The following KIF13A variants were observed in gnomAD, a reference collection of about 807,000 sequenced individuals.
KIF13A encodes kinesin-like protein KIF13A.
Under a neutral mutation model 212.2 loss-of-function variants are expected in KIF13A, and 79 were observed. That is an observed-to-expected ratio of 0.37 (90% CI 0.31 to 0.45). The LOEUF is 0.45. Ranked by LOEUF, KIF13A falls within the 20% of genes least tolerant of loss-of-function variation. The pLI, the probability that KIF13A is intolerant of heterozygous loss-of-function variation, is 1.00. For missense variants in KIF13A, 1,901 were observed against 2,209.0 expected (o/e 0.86, Z 2.79); for synonymous variants, 789 against 808.6 (o/e 0.98, Z 0.41).
Position 17,831,118 on chromosome 6 carries a change from G to C in KIF13A, c.1384C>G (p.Leu462Val). The C allele has an allele frequency of 1.2e-6, 2 of 1,612,992 alleles. No individual in the cohort carries two copies. The highest frequency in any genetic ancestry group is 1.7e-6 in the Non-Finnish European group (2 of 1,179,522). Residue 462 changes from leucine (L) to valine (V), a missense_variant, in exon 13 of 39, where the codon CTG becomes GTG. Leu to Val is a conservative substitution (Grantham distance 32). Around this residue, in one of 5 missense-constraint regions of KIF13A, gnomAD observed 506 missense variants for 637.4 expected, o/e 0.79. Transcript: ENST00000259711. ...LNADPALNEL[L>V]VYYLKDHTRV... ...TCTCCTACCTTTAAATAATAAACCA[G>C]AAGTTCGTTAAGAGCAGGGTCTGCA...
intron 17 of KIF13A, among the ~76,000 whole-genome samples, chr6:17,814,421 G>C (rs902922234): frequency 4.0e-5 from 6 of 151,438 alleles, no homozygotes; most frequent in African/African-American, 1.2e-4. Context: ...ACTTATTTTT[G>C]TATTTTTAGT....
Position 17,771,525 on chromosome 6 carries a change from C to G in KIF13A, c.4477-307G>C. On this transcript the variant is annotated intron_variant, in intron 37 of 38. Transcript: ENST00000259711. This position sits in a 1 kb window ranked among gnomAD's most constrained non-coding sequence, Gnocchi z 5.4. Reference sequence around the variant, plus strand: ...AAGAATCACTTGAGGCCAGGAGTTTCAGACCAGCCTGGGCAACACAGCAAG... The same window carrying G: ...AAGAATCACTTGAGGCCAGGAGTTTGAGACCAGCCTGGGCAACACAGCAAG... 1 of 396,570 alleles carries G rather than the reference C, an allele frequency of 2.5e-6. No homozygotes were observed. Among genetic ancestry groups the G allele is most frequent in the Non-Finnish European group, 4.5e-6 (1 of 221,876 alleles). The allele number at this position is 396,570 out of a possible 1,614,324, so 24.6% of individuals were successfully genotyped here.
intron 2 of KIF13A, among the ~76,000 whole-genome samples, chr6:17,909,387 T>G (rs1227652743): frequency 1.3e-5 from 2 of 151,616 alleles, no homozygotes; most frequent in South Asian, 2.1e-4. Context: ...AATACAAAAA[T>G]TAGCCGGGTG....
intron 16 of KIF13A, among the ~76,000 whole-genome samples, chr6:17,817,459 C>T (rs913652759): frequency 1.4e-4 from 21 of 152,166 alleles, no homozygotes; most frequent in Admixed American, 3.3e-4. Context: ...ACATCCTCTA[C>T]GTTACTTTCT....
Position 17,786,532 on chromosome 6 carries a change from G to A in KIF13A, c.3362-891C>T, listed in dbSNP as rs573573075. Among the ~76,000 whole-genome samples, 23 of 152,182 alleles carry A rather than the reference G, an allele frequency of 1.5e-4. No homozygotes were observed. In the South Asian group the frequency reaches 4.6e-3, roughly 30 times the overall value. On this transcript the variant is annotated intron_variant, in intron 27 of 38. Transcript: ENST00000259711. This position sits in a 1 kb window ranked among gnomAD's most constrained non-coding sequence, Gnocchi z 5.4. ...GGAGAATTGCTTGAACCTGGGAGGA[G>A]GAGGTTGCAGTGGGCCAAGATCATG...
At chr6:17,964,507 A>G (rs888851983) in intron 2 of KIF13A, among the ~76,000 whole-genome samples, 4 of 152,210 alleles carry the variant, frequency 2.6e-5, no homozygotes, top group Non-Finnish European at 5.9e-5. Context: ...TGGATAAAAT[A>G]TAAGTAAATC....
intron 3 of KIF13A, among the ~76,000 whole-genome samples, chr6:17,884,441 T>C (rs1024616991): frequency 3.3e-5 from 5 of 152,210 alleles, no homozygotes; most frequent in Non-Finnish European, 7.3e-5. Flanking sequence ...GCTGGAAGGT[T>C]TTCTGAGCCA....
rs1210287245 is a variant in KIF13A at position 17,805,542 on chromosome 6, T to A, written c.2237A>T (p.Glu746Val). 6.2e-7 allele frequency: 1 copy of A among 1,613,772 alleles called. No homozygotes were observed. Residue 746 changes from glutamate (E) to valine (V), a missense_variant, in exon 19 of 39, where the codon GAG becomes GTG. Coordinates refer to ENST00000259711, the MANE Select transcript of KIF13A (RefSeq NM_022113.6). The part of the protein sequence containing the change: ...KGKSTQVWTI[E>V]KLENKLIDMR... The stretch of plus-strand genomic sequence containing the variant: ...GTCAATTAATTTATTCTCCAGCTTC[T>A]CAATGGTCCACACTTGGGTGCTCTT...
chr6:17,825,821 T>C lies in KIF13A; in HGVS notation c.1733A>G (p.Tyr578Cys), dbSNP rs749682554. Residue 578 changes from tyrosine to cysteine, a missense_variant, in exon 16 of 39, where the codon TAT becomes TGT. Coordinates refer to ENST00000259711, the MANE Select transcript of KIF13A (RefSeq NM_022113.6). The surrounding 1 kb of genome is among the most constrained non-coding windows in gnomAD (Gnocchi z 4.5). Reference sequence around the variant, plus strand: ...TTCCATCTGTGCAAATTCATAGTTATAGTCTGGTTCAGAGGAAGCCTCACT... The same window carrying C: ...TTCCATCTGTGCAAATTCATAGTTACAGTCTGGTTCAGAGGAAGCCTCACT... ...AASEASSEPD[Y>C]NYEFAQMEVI... The C allele has an allele frequency of 1.9e-5, 30 of 1,613,880 alleles. No individual in the cohort carries two copies. Among genetic ancestry groups the C allele is most frequent in the East Asian group, 4.5e-5 (2 of 44,898 alleles).
intron 14 of KIF13A, among the ~76,000 whole-genome samples, chr6:17,827,761 A>G (rs990739288): frequency 6.6e-6 from 1 of 151,918 alleles, no homozygotes; most frequent in African/African-American, 2.4e-5. Flanking sequence ...GGCTCAAGCA[A>G]TACTCCTGCC....
At chr6:17,778,867 T>C (rs1375797287) in intron 33 of KIF13A, 80 bp downstream of exon 33, 1 of 1,478,760 alleles carries the variant, frequency 6.8e-7, no homozygotes, top group African/African-American at 1.4e-5. Flanking sequence ...TAGTGAGGTG[T>C]TTGGTAAGTA....
chr6:17,849,238 G>A lies in KIF13A; in HGVS notation c.830+139C>T, dbSNP rs1446514700. ...TACATCTTAACAGACACAGGTTGTT[G>A]TTGTTTTTCTTCAGCCCAGTTTACT... is the stretch of plus-strand genomic sequence containing the variant. On this transcript the variant is annotated intron_variant, in intron 9 of 38. Coordinates refer to ENST00000259711, the MANE Select transcript of KIF13A (RefSeq NM_022113.6). The surrounding 1 kb of genome is among the most constrained non-coding windows in gnomAD (Gnocchi z 5.7). The A allele has an allele frequency of 3.3e-6, 2 of 599,954 alleles. No homozygotes were observed. The highest frequency in any genetic ancestry group is 5.8e-6 in the Non-Finnish European group (2 of 342,842). The allele number at this position is 599,954 out of a possible 1,614,324, so 37.2% of individuals were successfully genotyped here.
chr6:17,799,990 C>T lies in KIF13A; in HGVS notation c.2578G>A (p.Gly860Arg), dbSNP rs202026754. ...TTTTTGACTCGGTGAATGATTTCCC[C>T]GCTGCTGTCTACGACTTCAAGGCTC... ...SGSLEVVDSS[G>R]EIIHRVKKLT... Residue 860 changes from glycine to arginine, a missense_variant, in exon 21 of 39, where the codon GGG becomes AGG. By Grantham distance (125) the Gly-to-Arg change is moderately radical (BLOSUM62 -2). Transcript: ENST00000259711. This position sits in a 1 kb window ranked among gnomAD's most constrained non-coding sequence, Gnocchi z 4.4. The T allele has an allele frequency of 5.1e-5, 82 of 1,613,948 alleles. No individual in the cohort carries two copies. Among genetic ancestry groups the T allele is most frequent in the Middle Eastern group, 1.6e-4 (1 of 6,062 alleles).
In KIF13A at chr6:17,825,679, G is replaced by C; in HGVS notation, c.1786+89C>G. ...TTATGTGTTTAAAATGTGGAATGCG[G>C]AATGACACCTGATGCATGCTTATCC... On this transcript the variant is annotated intron_variant, in intron 16 of 38. Coordinates refer to ENST00000259711, the MANE Select transcript of KIF13A (RefSeq NM_022113.6). The surrounding 1 kb of genome is among the most constrained non-coding windows in gnomAD (Gnocchi z 4.5). 1 of 1,237,282 alleles carries C rather than the reference G, an allele frequency of 8.1e-7. No homozygotes were observed. Among genetic ancestry groups the C allele is most frequent in the African/African-American group, 1.6e-5 (1 of 62,660 alleles). 76.6% of individuals were successfully genotyped at this position (1,237,282 alleles called of 1,614,324 possible). A position where few individuals can be genotyped will look rare whatever the true frequency, so the allele number is the denominator to read the frequency against.
At chr6:17,813,383 G>C (rs981740336) in intron 17 of KIF13A, among the ~76,000 whole-genome samples, 8 of 152,100 alleles carry the variant, frequency 5.3e-5, no homozygotes, top group African/African-American at 1.9e-4. Context: ...GGGAGGCAGA[G>C]GTAGGAGAAT....
rs1766120431 is a variant in KIF13A at position 17,837,882 on chromosome 6, G to A, written c.831-299C>T. On this transcript the variant is annotated intron_variant, in intron 9 of 38. Transcript: ENST00000259711. The surrounding 1 kb of genome is among the most constrained non-coding windows in gnomAD (Gnocchi z 5.4). ...GCAGGAGAATCTCTGGAACCCGGGA[G>A]TTAGAGGTTGCAGTGAGCCGAGACT... is the stretch of plus-strand genomic sequence containing the variant. 3.3e-5 allele frequency among the ~76,000 whole-genome samples: 5 copies of A among 152,286 alleles called. No individual in the cohort carries two copies. In the South Asian group the frequency reaches 1.0e-3, roughly 32 times the overall value.
Position 17,825,658 on chromosome 6 carries a change from G to C in KIF13A, c.1786+110C>G, listed in dbSNP as rs183920136. On this transcript the variant is annotated intron_variant, in intron 16 of 38. Transcript: ENST00000259711. This position sits in a 1 kb window ranked among gnomAD's most constrained non-coding sequence, Gnocchi z 4.5. ...CTTTTAAAGAAATGAGCAGTTTTATGTGTTTAAAATGTGGAATGCGGAATG... is the reference window on the plus strand; with the variant it reads ...CTTTTAAAGAAATGAGCAGTTTTATCTGTTTAAAATGTGGAATGCGGAATG... 3 of 994,840 alleles carry C rather than the reference G, an allele frequency of 3.0e-6. No individual in the cohort carries two copies. In the South Asian group the frequency reaches 4.9e-5, roughly 16 times the overall value. 61.6% of individuals were successfully genotyped at this position (994,840 alleles called of 1,614,324 possible).
intron 20 of KIF13A, among the ~76,000 whole-genome samples, chr6:17,803,151 G>A (rs1581351044): frequency 6.6e-6 from 1 of 152,050 alleles, no homozygotes; most frequent in Non-Finnish European, 1.5e-5. Flanking sequence ...GGCCAGGCTG[G>A]TCTTGAACTC....
intron 2 of KIF13A, among the ~76,000 whole-genome samples, chr6:17,973,561 A>T (rs1409726766): frequency 6.6e-6 from 1 of 152,112 alleles, no homozygotes; most frequent in African/African-American, 2.4e-5. Flanking sequence ...TTACCTACTT[A>T]CTCTATTTAA....
Sources: gnomAD v4.1 joint callset for allele counts (sites outside exome capture counted in the v4.1 genomes callset) on GRCh38, gnomAD v4.1.1 for gene constraint, gnomAD v4.1.1 regional missense constraint, Gnocchi (gnomAD v3.1) non-coding constraint, MANE v1.5 for transcripts, NCBI Gene and HGNC (gene_info 2026-07-23, HGNC 2026-07-21) for gene names.